The following PGM2 variants were observed in gnomAD, a reference collection of about 807,000 sequenced individuals.
The protein encoded by PGM2 is phosphoglucomutase 2, also known as phosphopentomutase.
PGM2 carries 57 observed loss-of-function variants against 74.6 expected under a neutral mutation model. The ratio of observed to expected loss-of-function variants is 0.76; its 90% CI spans 0.62 to 0.95. The LOEUF is 0.95. PGM2 is among the 40% of genes least tolerant of loss of function. PGM2 has a pLI of 0.00. For missense variants in PGM2, 706 were observed against 741.9 expected (o/e 0.95, Z 0.56); for synonymous variants, 273 against 260.7 (o/e 1.05, Z -0.46).
At chr4:37,827,431 C>T (rs1372035896) in intron 1 of PGM2, among the ~76,000 whole-genome samples, 1 of 152,094 alleles carries the variant, frequency 6.6e-6, no homozygotes, top group Non-Finnish European at 1.5e-5. Flanking sequence ...AGGAACCCAG[C>T]TCTGGACATC....
chr4:37,827,265 C>T (rs939763427), intron 1 of PGM2, among the ~76,000 whole-genome samples: 2 of 152,200 alleles, frequency 1.3e-5, no homozygotes, highest in Non-Finnish European at 2.9e-5. Flanking sequence ...CGTTCTGGTC[C>T]GGTCCTCCCA....
chr4:37,849,567 C>T (rs1056660825), intron 11 of PGM2, among the ~76,000 whole-genome samples: 1 of 151,542 alleles, frequency 6.6e-6, no homozygotes, highest in South Asian at 2.1e-4. Context: ...GTCCCCACAC[C>T]TGGCTGATTT....
intron 1 of PGM2, among the ~76,000 whole-genome samples, chr4:37,829,228 T>C (rs1469734047): frequency 6.6e-6 from 1 of 152,152 alleles, no homozygotes; most frequent in Non-Finnish European, 1.5e-5. Context: ...AAATGAATCA[T>C]GTTAGCGTCT....
At chr4:37,852,925 A>G (rs934844374) in intron 12 of PGM2, among the ~76,000 whole-genome samples, 2 of 152,142 alleles carry the variant, frequency 1.3e-5, no homozygotes, top group African/African-American at 4.8e-5. Context: ...TTGATTATGT[A>G]TCAGGAAAGG....
chr4:37,844,682 GT>G, intron 7 of PGM2, 129 bp downstream of exon 7: 2 of 638,046 alleles, frequency 3.1e-6, no homozygotes, highest in Non-Finnish European at 5.4e-6. Flanking sequence ...AAATATGTAT[GT>G]TTGGCTGGGT....
intron 9 of PGM2, 44 bp from the exon 10 acceptor site, chr4:37,847,158 A>G: frequency 6.3e-7 from 1 of 1,597,126 alleles, no homozygotes; most frequent in Non-Finnish European, 8.6e-7. Flanking sequence ...TCTGCTCTGT[A>G]GAAGATCTAA....
In PGM2 at chr4:37,861,715, A is replaced by G; in HGVS notation, c.*103A>G. 1 of 714,704 alleles carries G rather than the reference A, an allele frequency of 1.4e-6. No individual in the cohort carries two copies. Among genetic ancestry groups the G allele is most frequent in the Non-Finnish European group, 2.5e-6 (1 of 392,496 alleles). 44.3% of individuals were successfully genotyped at this position (714,704 alleles called of 1,614,324 possible). On this transcript the variant is annotated 3_prime_UTR_variant, in exon 14 of 14. Coordinates refer to ENST00000381967, the MANE Select transcript of PGM2 (RefSeq NM_018290.4). ...CCAAATGATTCAAAACATCACAGGT[A>G]TTTATGTGTTTTACAAAGACCTACA...
At chr4:37,854,970 AT>A (rs1205835931) in intron 12 of PGM2, among the ~76,000 whole-genome samples, 7 of 152,248 alleles carry the variant, frequency 4.6e-5, no homozygotes, top group African/African-American at 1.7e-4. Context: ...AAATGTATAC[AT>A]TGTGATAGCT....
rs1725995200 is a variant in PGM2 at position 37,850,073 on chromosome 4, C to A, written c.1413-111C>A. The A allele has an allele frequency of 2.2e-5, 14 of 634,580 alleles. No individual in the cohort carries two copies. The South Asian group carries it at 2.8e-4, about 13-fold the overall frequency. 39.3% of individuals were successfully genotyped at this position (634,580 alleles called of 1,614,324 possible). A position where few individuals can be genotyped will look rare whatever the true frequency, so the allele number is the denominator to read the frequency against. On this transcript the variant is annotated intron_variant, in intron 11 of 13. Coordinates refer to ENST00000381967, the MANE Select transcript of PGM2 (RefSeq NM_018290.4). The stretch of plus-strand genomic sequence containing the variant: ...AAAGTGCTGGGATTACAGGCGTGAC[C>A]CACCACACCCAGCCATATTTATTTT...
At chr4:37,830,167 T>A in intron 2 of PGM2, 36 bp downstream of exon 2, 1 of 1,381,710 alleles carries the variant, frequency 7.2e-7, no homozygotes. Context: ...TAACTCAATG[T>A]ATCCCCTAGC....
intron 1 of PGM2, among the ~76,000 whole-genome samples, chr4:37,827,075 A>G (rs1725312303): frequency 6.6e-6 from 1 of 152,222 alleles, no homozygotes; most frequent in African/African-American, 2.4e-5. Context: ...TTCGGAGTAG[A>G]GGAGCGAGCC....
intron 12 of PGM2, among the ~76,000 whole-genome samples, chr4:37,852,466 A>G (rs1005168694): frequency 1.8e-5 from 2 of 113,982 alleles, no homozygotes; most frequent in African/African-American, 6.0e-5. Context: ...CCTAGACCTC[A>G]TGGCTTCCTC....
chr4:37,832,130 A>G (rs1303254093), intron 2 of PGM2, among the ~76,000 whole-genome samples: 1 of 152,198 alleles, frequency 6.6e-6, no homozygotes, highest in East Asian at 1.9e-4. Flanking sequence ...ATGTAATTCA[A>G]CCAGACACCC....
intron 4 of PGM2, among the ~76,000 whole-genome samples, chr4:37,838,290 A>G (rs746026385): frequency 2.6e-5 from 4 of 152,174 alleles, no homozygotes; most frequent in Non-Finnish European, 5.9e-5. Flanking sequence ...TGTCATGAAT[A>G]TTTTTGACAA....
chr4:37,839,616 A>G (rs1725652965), intron 4 of PGM2: 1 of 646,256 alleles, frequency 1.5e-6, no homozygotes, highest in East Asian at 3.1e-5. Flanking sequence ...GAAGGCACTG[A>G]GGAAATTACT....
intron 10 of PGM2, among the ~76,000 whole-genome samples, chr4:37,847,924 C>T (rs918288282): frequency 2.0e-5 from 3 of 152,250 alleles, no homozygotes; most frequent in African/African-American, 7.2e-5. Flanking sequence ...TGTATATTCT[C>T]TGCAACACTA....
At chr4:37,831,432 T>C (rs1341959503) in intron 2 of PGM2, among the ~76,000 whole-genome samples, 1 of 152,214 alleles carries the variant, frequency 6.6e-6, no homozygotes, top group Non-Finnish European at 1.5e-5. Flanking sequence ...CAACCACATT[T>C]ATTTTGCTCA....
In PGM2 at chr4:37,849,443, T is replaced by C. The variant is rs1007791667; in HGVS notation, c.1413-741T>C. Among the ~76,000 whole-genome samples, 6 of 141,186 alleles carry C rather than the reference T, an allele frequency of 4.2e-5. No individual in the cohort carries two copies. The South Asian group carries it at 1.4e-3, about 32-fold the overall frequency. The allele number at this position is 141,186 out of a possible 152,430, so 92.6% of individuals were successfully genotyped here. The stretch of plus-strand genomic sequence containing the variant: ...TTTTTTTTTTTTTGAGACGGGGTCT[T>C]GCTCTGTCACCAGGCTGGAGTGCAG... On this transcript the variant is annotated intron_variant, in intron 11 of 13. Coordinates refer to ENST00000381967, the MANE Select transcript of PGM2 (RefSeq NM_018290.4).
intron 6 of PGM2, among the ~76,000 whole-genome samples, chr4:37,843,645 T>C (rs1281938813): frequency 1.3e-5 from 2 of 151,756 alleles, no homozygotes; most frequent in Non-Finnish European, 2.9e-5. Context: ...GTTTCGCTCT[T>C]GTTGCCCAGG....
Sources: gnomAD v4.1 joint callset for allele counts (sites outside exome capture counted in the v4.1 genomes callset) on GRCh38, gnomAD v4.1.1 for gene constraint, MANE v1.5 for transcripts, NCBI Gene and HGNC (gene_info 2026-07-23, HGNC 2026-07-21) for gene names.